The following ARFGEF2 variants were observed in gnomAD, a reference collection of about 807,000 sequenced individuals.
The protein encoded by ARFGEF2 is brefeldin A-inhibited guanine nucleotide-exchange protein 2.
A neutral mutation model predicts 219.9 loss-of-function variants in ARFGEF2; 74 were observed. The ratio of observed to expected loss-of-function variants is 0.34; its 90% CI spans 0.28 to 0.41. The LOEUF (loss-of-function observed/expected upper bound fraction) is 0.41. Ranked by LOEUF, ARFGEF2 falls within the 10% of genes least tolerant of loss-of-function variation. The probability of loss-of-function intolerance (pLI) is 1.00; values close to 1 mark genes in which losing one functional copy is unlikely to be tolerated. For synonymous variants in ARFGEF2, 733 were observed against 799.2 expected, an observed-to-expected ratio of 0.92 and a Z score of 1.40; for missense variants, 1,743 against 2,218.3, an observed-to-expected ratio of 0.79 and a Z score of 4.30.
chr20:48,940,095 T>C (rs887353894), intron 1 of ARFGEF2, among the ~76,000 whole-genome samples: 4 of 152,252 alleles, frequency 2.6e-5, no homozygotes, highest in Non-Finnish European at 4.4e-5. Flanking sequence ...TTTTGTTGTT[T>C]TAATGGTACG....
chr20:49,027,061 G>T (rs1008615528), intron 36 of ARFGEF2, among the ~76,000 whole-genome samples: 1 of 150,304 alleles, frequency 6.7e-6, no homozygotes, highest in Admixed American at 6.6e-5. Flanking sequence ...TTGTTTTTAA[G>T]AATGTGTTCT....
chr20:48,933,678 G>C (rs1488792541), intron 1 of ARFGEF2, among the ~76,000 whole-genome samples: 1 of 152,146 alleles, frequency 6.6e-6, no homozygotes, highest in Non-Finnish European at 1.5e-5. Context: ...ACCACCTGCT[G>C]TGTGCCAGCT....
In ARFGEF2 at chr20:48,953,712, G is replaced by C. The variant is rs1411135757; in HGVS notation, c.760G>C (p.Glu254Gln). 1 of 1,614,150 alleles carries C rather than the reference G, an allele frequency of 6.2e-7. No individual in the cohort carries two copies. Among genetic ancestry groups the C allele is most frequent in the Admixed American group, 1.7e-5 (1 of 60,008 alleles). ...TPEKTDLTNG[E>Q]HARSDSGKVS... is the part of the protein sequence containing the mutation. ...CGAAAAAACAGATTTAACCAACGGT[G>C]AACATGCCAGGAGTGATTCTGGAAA... The change falls in exon 6 of 39, where the codon GAA becomes CAA. Residue 254 changes from glutamate (E) to glutamine (Q), a missense_variant. By Grantham distance (29) the Glu-to-Gln change is conservative. Coordinates refer to ENST00000371917, the MANE Select transcript of ARFGEF2 (RefSeq NM_006420.3).
rs1157539723 is a variant in ARFGEF2, at chr20:48,989,650, G to A, written c.2780G>A (p.Cys927Tyr). The change falls in exon 20 of 39, where the codon TGT (cysteine) becomes TAT (tyrosine). Residue 927 changes from cysteine (C) to tyrosine (Y), a missense_variant. Transcript: ENST00000371917. ...VASLCLEGIR[C>Y]AIRIACIFGM... ...TCCTTGTGTTTGGAAGGCATCCGAT[G>A]TGCAATCCGAATCGCCTGCATCTTT... The A allele has an allele frequency of 1.9e-6, 3 of 1,614,246 alleles. No homozygotes were observed. Among genetic ancestry groups the A allele is most frequent in the Admixed American group, 3.3e-5 (2 of 60,030 alleles).
At chr20:48,971,747 A>G (rs1396953151) in intron 10 of ARFGEF2, among the ~76,000 whole-genome samples, 3 of 152,096 alleles carry the variant, frequency 2.0e-5, no homozygotes, top group African/African-American at 7.2e-5. Flanking sequence ...TAAAAATACA[A>G]AAAATTAGCC....
At position 49,010,535 on chromosome 20, in the gene ARFGEF2, C is replaced by T. The variant is rs997305500; in HGVS notation, c.3757+131C>T. The stretch of plus-strand genomic sequence containing the variant: ...ACTGTGATATAGTAATGTGCCAGGC[C>T]GTGTTGTAAGCGCTTGATGAGTATT... On this transcript the variant is annotated intron_variant, in intron 27 of 38. Coordinates refer to ENST00000371917, the MANE Select transcript of ARFGEF2 (RefSeq NM_006420.3). 4.1e-5 allele frequency: 44 copies of T among 1,063,690 alleles called. No individual in the cohort carries two copies. The Admixed American group carries it at 4.9e-4, about 12-fold the overall frequency. The allele number at this position is 1,063,690 out of a possible 1,614,324, so 65.9% of individuals were successfully genotyped here. A position where few individuals can be genotyped will look rare whatever the true frequency, so the allele number is the denominator to read the frequency against.
Position 48,976,105 on chromosome 20 carries a change from G to T in ARFGEF2, c.1864G>T (p.Val622Leu). 6.2e-7 allele frequency: 1 copy of T among 1,613,784 alleles called. No homozygotes were observed. Reference sequence around the variant, plus strand: ...TAGTGTGACGTCCATGGAGTCCACAGTGTCCTCGGGGACCCAGACAACTGT... The same window carrying T: ...TAGTGTGACGTCCATGGAGTCCACATTGTCCTCGGGGACCCAGACAACTGT... Reference protein sequence around the residue: ...RCSVTSMESTVSSGTQTTVQD... With the variant: ...RCSVTSMESTLSSGTQTTVQD... Residue 622 changes from valine to leucine, a missense_variant, in exon 14 of 39, where the codon GTG (valine) becomes TTG (leucine). By Grantham distance (32) the Val-to-Leu change is conservative. This residue lies in a region of ARFGEF2 where 666 missense variants were observed against 955.4 expected (regional missense o/e 0.70). Coordinates refer to ENST00000371917, the MANE Select transcript of ARFGEF2 (RefSeq NM_006420.3).
chr20:48,982,378 C>T (rs192764691), intron 14 of ARFGEF2, among the ~76,000 whole-genome samples: 14 of 152,154 alleles, frequency 9.2e-5, no homozygotes, highest in East Asian at 7.7e-4. Flanking sequence ...CTGGAAGCAT[C>T]GTCCCAGAGG....
Position 48,961,401 on chromosome 20 carries a change from C to G in ARFGEF2, c.839-2429C>G, listed in dbSNP as rs2091149880. ...TCAGGATCATTCATATCACTGTCTT[C>G]CACCTCCACATCTTGTCCCTTGGAA... On this transcript the variant is annotated intron_variant, in intron 6 of 38. Transcript: ENST00000371917. Among the ~76,000 whole-genome samples, 8 of 152,188 alleles carry G rather than the reference C, an allele frequency of 5.3e-5. No homozygotes were observed. The South Asian group carries it at 1.7e-3, about 32-fold the overall frequency.
At chr20:49,021,776 C>T (rs2091566176) in intron 34 of ARFGEF2, among the ~76,000 whole-genome samples, 1 of 148,026 alleles carries the variant, frequency 6.8e-6, no homozygotes, top group Non-Finnish European at 1.5e-5. Context: ...AACCTGAAGG[C>T]GGAGGTTGCA....
intron 25 of ARFGEF2, among the ~76,000 whole-genome samples, chr20:48,998,744 A>T (rs2091407029): frequency 6.6e-6 from 1 of 152,200 alleles, no homozygotes; most frequent in Non-Finnish European, 1.5e-5. Flanking sequence ...CACATGCAGG[A>T]TGTAGGCTAA....
chr20:49,012,223 A>G, intron 28 of ARFGEF2, 139 bp downstream of exon 28: 1 of 1,127,264 alleles, frequency 8.9e-7, no homozygotes, highest in Non-Finnish European at 1.3e-6. Flanking sequence ...TTATTTCAAA[A>G]TGCTGCCATG....
intron 13 of ARFGEF2, 51 bp downstream of exon 13, chr20:48,974,925 G>A: frequency 1.4e-6 from 2 of 1,426,370 alleles, no homozygotes; most frequent in Non-Finnish European, 2.0e-6. Flanking sequence ...AGGCTCCTAC[G>A]ACTGCTAGGA....
At chr20:48,969,368 T>G in intron 9 of ARFGEF2, 91 bp downstream of exon 9, 1 of 1,609,210 alleles carries the variant, frequency 6.2e-7, no homozygotes, top group Non-Finnish European at 8.5e-7. Context: ...CCAAGAAGTT[T>G]CAGTGTCATG....
intron 18 of ARFGEF2, 66 bp from the exon 19 acceptor site, chr20:48,989,219 C>A: frequency 6.4e-7 from 1 of 1,557,734 alleles, no homozygotes; most frequent in Non-Finnish European, 8.8e-7. Flanking sequence ...TCTTTTGAAA[C>A]AGTGTATGGC....
chr20:48,954,348 C>A (rs1011445197), intron 6 of ARFGEF2, among the ~76,000 whole-genome samples: 1 of 152,156 alleles, frequency 6.6e-6, no homozygotes, highest in Non-Finnish European at 1.5e-5. Context: ...TGATTATATT[C>A]TTAAAGTAAA....
chr20:48,967,285 CAG>C (rs1288644261), intron 8 of ARFGEF2, among the ~76,000 whole-genome samples: 2 of 152,214 alleles, frequency 1.3e-5, no homozygotes, highest in African/African-American at 4.8e-5. Flanking sequence ...GTAGAGCTAA[CAG>C]AAATTTTTAA....
intron 1 of ARFGEF2, among the ~76,000 whole-genome samples, chr20:48,928,025 T>C (rs1185425554): frequency 6.6e-6 from 1 of 152,128 alleles, no homozygotes; most frequent in East Asian, 1.9e-4. Context: ...TTATTGATAG[T>C]CCAGTGATCC....
intron 8 of ARFGEF2, among the ~76,000 whole-genome samples, chr20:48,967,873 C>G (rs1049376551): frequency 2.0e-5 from 3 of 152,140 alleles, no homozygotes; most frequent in African/African-American, 7.2e-5. Context: ...TCATTTGCAT[C>G]TATTGGTACA....
Sources: gnomAD v4.1 joint callset for allele counts (sites outside exome capture counted in the v4.1 genomes callset) on GRCh38, gnomAD v4.1.1 for gene constraint, gnomAD v4.1.1 regional missense constraint, MANE v1.5 for transcripts, NCBI Gene and HGNC (gene_info 2026-07-23, HGNC 2026-07-21) for gene names.